Variants in CDK19 observed in about 807,000 individuals in gnomAD.
The protein encoded by CDK19 is cyclin dependent kinase 19.
CDK19 carries 20 observed loss-of-function variants against 68.3 expected under a neutral mutation model. The ratio of observed to expected loss-of-function variants is 0.29; its 90% CI spans 0.21 to 0.43. CDK19 has a LOEUF of 0.43. CDK19 is among the 20% of genes least tolerant of loss of function. The pLI is 1.00. For synonymous variants in CDK19, 221 were observed against 222.8 expected (o/e 0.99, Z 0.07); for missense variants, 339 against 623.5 (o/e 0.54, Z 4.86).
chr6:110,732,618 T>A (rs1197949691), intron 2 of CDK19, among the ~76,000 whole-genome samples: 2 of 152,206 alleles, frequency 1.3e-5, no homozygotes, highest in Non-Finnish European at 2.9e-5. Context: ...TCCCATTCCT[T>A]TAAAGAACCA....
intron 1 of CDK19, among the ~76,000 whole-genome samples, chr6:110,763,959 A>G (rs1562268749): frequency 6.6e-6 from 1 of 152,224 alleles, no homozygotes; most frequent in Non-Finnish European, 1.5e-5. Flanking sequence ...ATATACCAGC[A>G]ATAAAAAATT....
chr6:110,736,935 C>CT (rs1777291599), intron 2 of CDK19, among the ~76,000 whole-genome samples: 1 of 152,176 alleles, frequency 6.6e-6, no homozygotes, highest in Non-Finnish European at 1.5e-5. Context: ...CCAATTAAAT[C>CT]TAACTGCTTA....
At chr6:110,616,068 T>C (rs1298655921) in intron 12 of CDK19, among the ~76,000 whole-genome samples, 1 of 152,172 alleles carries the variant, frequency 6.6e-6, no homozygotes, top group Non-Finnish European at 1.5e-5. Context: ...TGAAAAATCC[T>C]AGCCTCCAAA....
At chr6:110,618,067 G>A (rs1415702055) in intron 12 of CDK19, among the ~76,000 whole-genome samples, 1 of 151,894 alleles carries the variant, frequency 6.6e-6, no homozygotes, top group Non-Finnish European at 1.5e-5. Context: ...GAATTTTCAT[G>A]AATATTCCAC....
chr6:110,793,034 T>C (rs9487527), intron 1 of CDK19, among the ~76,000 whole-genome samples: 2,049 of 152,300 alleles, frequency 0.013, 49 homozygotes, highest in African/African-American at 0.047. Context: ...CTAGACAGTA[T>C]TTATTAGCTG....
intron 1 of CDK19, among the ~76,000 whole-genome samples, chr6:110,790,864 T>C (rs1287704558): frequency 6.6e-6 from 1 of 151,964 alleles, no homozygotes; most frequent in Non-Finnish European, 1.5e-5. Context: ...GTATACAGAC[T>C]ATAGTTATTA....
At chr6:110,623,805 TACACATATATAC>T (rs1211805496) in intron 8 of CDK19, among the ~76,000 whole-genome samples, 6 of 147,264 alleles carry the variant, frequency 4.1e-5, no homozygotes, top group Non-Finnish European at 6.0e-5. Flanking sequence ...CACACACATA[TACACATATATAC>T]ACATACATAT....
rs1013941212 is a variant in CDK19 at position 110,612,016 on chromosome 6, A to G, written c.*2519T>C. ...AACTGACGAAATCCCCTTACAGTTT[A>G]TATTTCAGTTCTGCCAGCAAAAGTC... is the stretch of plus-strand genomic sequence containing the variant. On this transcript the variant is annotated 3_prime_UTR_variant, in exon 13 of 13. Coordinates refer to ENST00000368911, the MANE Select transcript of CDK19 (RefSeq NM_015076.5). 3 of 152,198 alleles carry G rather than the reference A, an allele frequency of 2.0e-5. No homozygotes were observed. Among genetic ancestry groups the G allele is most frequent in the African/African-American group, 7.2e-5 (3 of 41,442 alleles). The allele number at this position is 152,198 out of a possible 1,614,324, so 9.4% of individuals were successfully genotyped here. A position where few individuals can be genotyped will look rare whatever the true frequency, so the allele number is the denominator to read the frequency against.
intron 2 of CDK19, among the ~76,000 whole-genome samples, chr6:110,673,041 T>G (rs1022565132): frequency 1.3e-5 from 2 of 152,104 alleles, no homozygotes; most frequent in Non-Finnish European, 2.9e-5. Flanking sequence ...CACTGTGTAT[T>G]TCCAGAACTT....
intron 4 of CDK19, among the ~76,000 whole-genome samples, chr6:110,658,050 A>G (rs900734296): frequency 4.6e-5 from 7 of 152,236 alleles, no homozygotes. Context: ...ACACATCAAT[A>G]TTACCTTCTT....
At chr6:110,760,207 C>T (rs1486324426) in intron 1 of CDK19, among the ~76,000 whole-genome samples, 4 of 151,484 alleles carry the variant, frequency 2.6e-5, no homozygotes, top group African/African-American at 9.7e-5. Context: ...ACTAGCCTGG[C>T]CAACATAGTG....
intron 1 of CDK19, among the ~76,000 whole-genome samples, chr6:110,801,360 C>T (rs1782334446): frequency 1.3e-5 from 2 of 152,082 alleles, no homozygotes; most frequent in East Asian, 1.9e-4. Flanking sequence ...TGGTGTACGC[C>T]TGTGGTCCCA....
intron 9 of CDK19, 58 bp from the exon 10 acceptor site, chr6:110,622,970 C>T: frequency 9.4e-7 from 1 of 1,061,160 alleles, no homozygotes; most frequent in South Asian, 1.3e-5. Context: ...AAGTCAACAC[C>T]TTGTCTTTTG....
At chr6:110,622,021 C>T (rs1562127519) in intron 11 of CDK19, 67 bp downstream of exon 11, 6 of 828,616 alleles carry the variant, frequency 7.2e-6, no homozygotes, top group South Asian at 5.9e-5. Context: ...AATTATGGAA[C>T]GATACCTAAA....
intron 1 of CDK19, among the ~76,000 whole-genome samples, chr6:110,805,075 T>C (rs993671383): frequency 5.3e-5 from 8 of 152,216 alleles, no homozygotes; most frequent in Non-Finnish European, 1.0e-4. Flanking sequence ...TGCACACTTG[T>C]ATCCTGAATT....
intron 1 of CDK19, among the ~76,000 whole-genome samples, chr6:110,792,536 T>G (rs1781671140): frequency 6.6e-6 from 1 of 152,202 alleles, no homozygotes; most frequent in East Asian, 1.9e-4. Context: ...GCCTCCCGAG[T>G]AGCTGGGATT....
chr6:110,623,896 TGTATATATATATAC>T (rs1469408582), intron 8 of CDK19, among the ~76,000 whole-genome samples: 2 of 103,302 alleles, frequency 1.9e-5, no homozygotes, highest in Non-Finnish European at 3.9e-5. Context: ...TATATGTGTG[TGTATATATATATAC>T]GTATATATAT....
At chr6:110,741,343 T>A (rs1777649021) in intron 2 of CDK19, among the ~76,000 whole-genome samples, 1 of 151,658 alleles carries the variant, frequency 6.6e-6, no homozygotes, top group South Asian at 2.1e-4. Context: ...ATACCTGCAG[T>A]CCCAGCTACT....
chr6:110,697,036 G>A (rs1170862387), intron 2 of CDK19, among the ~76,000 whole-genome samples: 1 of 150,704 alleles, frequency 6.6e-6, no homozygotes, highest in African/African-American at 2.4e-5. Context: ...TTCAGCCTGG[G>A]TGACAGAGCG....
Sources: allele counts gnomAD v4.1 joint callset (sites outside exome capture counted in the v4.1 genomes callset), GRCh38; gene constraint gnomAD v4.1.1; transcripts MANE v1.5; gene names NCBI Gene and HGNC (gene_info 2026-07-23, HGNC 2026-07-21).